Variants in SAXO1 observed in about 807,000 individuals in gnomAD.
The protein encoded by SAXO1 is stabilizer of axonemal microtubules 1, also known as 4930500O09Rik.
In SAXO1, 21 loss-of-function variants were observed where a neutral mutation model predicts 17.5. The ratio of observed to expected loss-of-function variants is 1.20; its 90% CI spans 0.85 to 1.72. The LOEUF is 1.72. Ranked by LOEUF, SAXO1 falls within the 40% of genes most tolerant of loss-of-function variation. The pLI is 0.00. For synonymous variants in SAXO1, 274 were observed against 216.5 expected (o/e 1.27, Z -2.33); for missense variants, 843 against 596.0 (o/e 1.41, Z -4.32).
chr9:18,974,242 T>G (rs540010352), intron 1 of SAXO1, among the ~76,000 whole-genome samples: 63 of 152,326 alleles, frequency 4.1e-4, no homozygotes, highest in Admixed American at 1.0e-3. Context: ...AGAAGAAAGC[T>G]AGAAAGACCT....
At chr9:18,997,826 C>T (rs1381396790) in intron 1 of SAXO1, among the ~76,000 whole-genome samples, 1 of 152,306 alleles carries the variant, frequency 6.6e-6, no homozygotes, top group Non-Finnish European at 1.5e-5. Context: ...ACAAGGCAAA[C>T]AAGTTCTGGA....
chr9:19,001,337 G>C (rs201280566), intron 1 of SAXO1, among the ~76,000 whole-genome samples: 1 of 152,092 alleles, frequency 6.6e-6, no homozygotes. Flanking sequence ...CTCCTGAATG[G>C]CTACTGGGTA....
intron 1 of SAXO1, among the ~76,000 whole-genome samples, chr9:18,981,374 A>T (rs1051752366): frequency 6.6e-6 from 1 of 152,202 alleles, no homozygotes; most frequent in African/African-American, 2.4e-5. Context: ...CAAGTGATTT[A>T]TCTAAGGTCA....
In SAXO1 at chr9:19,027,778, C is replaced by T. The variant is rs1440732782; in HGVS notation, c.38+5093G>A. The T allele has an allele frequency of 2.7e-6, 4 of 1,508,564 alleles. No homozygotes were observed. In the Admixed American group the frequency reaches 7.8e-5, roughly 29 times the overall value. The allele number at this position is 1,508,564 out of a possible 1,614,324, so 93.4% of individuals were successfully genotyped here. On this transcript the variant is annotated intron_variant, in intron 1 of 3. Coordinates refer to ENST00000380534, the MANE Select transcript of SAXO1 (RefSeq NM_153707.4). Reference sequence around the variant, plus strand: ...AGAGGACGATGCTGGAGCTTCTGAACCAGCTGGATGGCTTCCAGCCCAACA... The same window carrying T: ...AGAGGACGATGCTGGAGCTTCTGAATCAGCTGGATGGCTTCCAGCCCAACA...
intron 1 of SAXO1, among the ~76,000 whole-genome samples, chr9:19,021,165 A>G (rs1272607364): frequency 6.6e-6 from 1 of 152,202 alleles, no homozygotes; most frequent in Non-Finnish European, 1.5e-5. Context: ...CACCTGTCAC[A>G]GGCTGGACCC....
intron 1 of SAXO1, among the ~76,000 whole-genome samples, chr9:18,962,748 T>G (rs1356213381): frequency 2.0e-5 from 3 of 152,252 alleles, no homozygotes; most frequent in Non-Finnish European, 4.4e-5. Flanking sequence ...TCCCTTTCAG[T>G]AGGTTGCCTG....
intron 1 of SAXO1, among the ~76,000 whole-genome samples, chr9:18,967,662 G>A (rs376434042): frequency 2.2e-4 from 34 of 152,310 alleles, no homozygotes; most frequent in South Asian, 1.9e-3. Context: ...TCAAGCCAGC[G>A]GATCTTAGCT....
chr9:18,995,721 C>T (rs1377593243), intron 1 of SAXO1, among the ~76,000 whole-genome samples: 1 of 152,120 alleles, frequency 6.6e-6, no homozygotes, highest in Non-Finnish European at 1.5e-5. Flanking sequence ...TCATACCAAA[C>T]ACAAAAATAA....
chr9:19,000,312 G>T (rs1325025041), intron 1 of SAXO1, among the ~76,000 whole-genome samples: 1 of 147,898 alleles, frequency 6.8e-6, no homozygotes, highest in Admixed American at 6.7e-5. Context: ...GGGAAGTGAG[G>T]AGCGCCTCTG....
At chr9:19,011,852 T>TTG (rs1834746278) in intron 1 of SAXO1, among the ~76,000 whole-genome samples, 2 of 150,382 alleles carry the variant, frequency 1.3e-5, no homozygotes, top group African/African-American at 4.9e-5. Context: ...AGCATAGATT[T>TTG]TTTTTTTTTT....
chr9:18,986,279 C>G (rs1319726514), intron 1 of SAXO1, among the ~76,000 whole-genome samples: 1 of 152,182 alleles, frequency 6.6e-6, no homozygotes, highest in Admixed American at 6.5e-5. Flanking sequence ...CACAGACAAA[C>G]AGAAAATCTT....
At chr9:19,037,645 A>G (rs530846844), upstream of SAXO1, among the ~76,000 whole-genome samples, 7 of 152,286 alleles carry the variant, frequency 4.6e-5, no homozygotes, top group African/African-American at 1.4e-4. Flanking sequence ...TGTAAGTCCA[A>G]TTAAACCTCT....
chr9:18,941,555 G>T, intron 3 of SAXO1, 82 bp downstream of exon 3: 2 of 1,507,058 alleles, frequency 1.3e-6, no homozygotes, highest in Middle Eastern at 2.2e-4. Context: ...CACTAACTGA[G>T]TATGCACATA....
At chr9:18,987,261 G>C (rs1833629776) in intron 1 of SAXO1, among the ~76,000 whole-genome samples, 1 of 152,156 alleles carries the variant, frequency 6.6e-6, no homozygotes, top group South Asian at 2.1e-4. Flanking sequence ...CACCCAGGGA[G>C]AGCCGCATGT....
At chr9:18,987,550 G>A (rs1427531693) in intron 1 of SAXO1, among the ~76,000 whole-genome samples, 2 of 152,144 alleles carry the variant, frequency 1.3e-5, no homozygotes, top group Non-Finnish European at 2.9e-5. Flanking sequence ...GTGACCTCCT[G>A]TATTCAGTAA....
chr9:18,980,995 G>A (rs1447139018), intron 1 of SAXO1, among the ~76,000 whole-genome samples: 2 of 152,004 alleles, frequency 1.3e-5, no homozygotes, highest in Admixed American at 6.5e-5. Context: ...ATAAATTGAC[G>A]CACGGATTTG....
intron 1 of SAXO1, among the ~76,000 whole-genome samples, chr9:18,995,896 G>A (rs1008080780): frequency 2.6e-5 from 4 of 151,888 alleles, no homozygotes; most frequent in African/African-American, 4.8e-5. Context: ...CCTGGCCAAC[G>A]TGGTGAAACC....
chr9:18,949,681 G>T (rs1831947847), intron 2 of SAXO1, among the ~76,000 whole-genome samples: 1 of 82,686 alleles, frequency 1.2e-5, no homozygotes, highest in African/African-American at 3.5e-5. Flanking sequence ...CCAACTCACA[G>T]TCTCAGATGT....
chr9:18,943,535 C>T (rs935653794), intron 2 of SAXO1, among the ~76,000 whole-genome samples: 1 of 152,194 alleles, frequency 6.6e-6, no homozygotes, highest in Admixed American at 6.5e-5. Flanking sequence ...GCCCAGAAAA[C>T]TCCATCTGAA....
Sources: gnomAD v4.1 joint callset for allele counts (sites outside exome capture counted in the v4.1 genomes callset) on GRCh38, gnomAD v4.1.1 for gene constraint, MANE v1.5 for transcripts, NCBI Gene and HGNC (gene_info 2026-07-23, HGNC 2026-07-21) for gene names.